Variants in FER1L6 observed in about 807,000 individuals in gnomAD.
The protein encoded by FER1L6 is fer-1 like family member 6, also known as fer-1-like protein 6.
Under a neutral mutation model 219.2 loss-of-function variants are expected in FER1L6, and 177 were observed. That is an observed-to-expected ratio of 0.81 (90% CI 0.71 to 0.91). The LOEUF is 0.91. FER1L6 is among the 40% of genes least tolerant of loss of function. The pLI is 0.00. For missense variants in FER1L6, 2,153 were observed against 2,259.9 expected (o/e 0.95, Z 0.96); for synonymous variants, 768 against 824.3 (o/e 0.93, Z 1.17).
At chr8:124,100,621 T>C (rs1282387328) in intron 37 of FER1L6, among the ~76,000 whole-genome samples, 1 of 152,154 alleles carries the variant, frequency 6.6e-6, no homozygotes, top group Non-Finnish European at 1.5e-5. Context: ...TATAGTCTGA[T>C]GGCATAGGTC....
Position 124,061,839 on chromosome 8 carries a change from C to A in FER1L6, c.3148-13C>A. The A allele has an allele frequency of 6.2e-7, 1 of 1,612,662 alleles. No homozygotes were observed. Among genetic ancestry groups the A allele is most frequent in the Non-Finnish European group, 8.5e-7 (1 of 1,179,830 alleles). ...TCACCAGGCCCCTTCTTCATCTCAT[C>A]CTCTCTCTGCAGGAACTGCCTGAGA... is the stretch of plus-strand genomic sequence containing the variant. On this transcript the variant is annotated splice_polypyrimidine_tract_variant and intron_variant, in intron 24 of 40. Coordinates refer to ENST00000522917, the MANE Select transcript of FER1L6 (RefSeq NM_001039112.2).
intron 1 of FER1L6, among the ~76,000 whole-genome samples, chr8:123,928,373 A>G (rs1234307900): frequency 6.6e-6 from 1 of 152,322 alleles, no homozygotes; most frequent in Non-Finnish European, 1.5e-5. Context: ...GACAGGCTCC[A>G]CCAACCAGAT....
At chr8:124,073,335 G>A (rs1015986743) in intron 31 of FER1L6, among the ~76,000 whole-genome samples, 1 of 150,838 alleles carries the variant, frequency 6.6e-6, no homozygotes, top group Non-Finnish European at 1.5e-5. Context: ...GGAACTTGAC[G>A]ACAGGAGGGA....
intron 39 of FER1L6, among the ~76,000 whole-genome samples, chr8:124,108,689 C>T (rs1181508541): frequency 6.6e-6 from 1 of 152,046 alleles, no homozygotes; most frequent in Non-Finnish European, 1.5e-5. Flanking sequence ...CCAGCCTGGG[C>T]AACACAATGA....
rs141997984 is a variant in FER1L6 at position 123,875,023 on chromosome 8, C to A, written c.-8+22838C>A. ...CATCCTGGCCAACATGGTGAAATCCCGTCTCCACTAAAAATACAAAAATTA... is the reference window on the plus strand; with the variant it reads ...CATCCTGGCCAACATGGTGAAATCCAGTCTCCACTAAAAATACAAAAATTA... On this transcript the variant is annotated intron_variant, in intron 1 of 40. Coordinates refer to ENST00000522917, the MANE Select transcript of FER1L6 (RefSeq NM_001039112.2). 7.9e-3 allele frequency among the ~76,000 whole-genome samples: 1,200 copies of A among 151,976 alleles called. 19 individuals are homozygous for A. Among genetic ancestry groups the A allele is most frequent in the African/African-American group, 0.028 (1,157 of 41,426 alleles).
chr8:124,070,585 T>A lies in FER1L6; in HGVS notation c.3953T>A (p.Ile1318Lys). 1 of 1,586,660 alleles carries A rather than the reference T, an allele frequency of 6.3e-7. No homozygotes were observed. Among genetic ancestry groups the A allele is most frequent in the Middle Eastern group, 1.7e-4 (1 of 5,912 alleles). The change falls in exon 30 of 41, where the codon ATA (isoleucine) becomes AAA (lysine). Residue 1318 changes from isoleucine to lysine, a missense_variant. Ile to Lys is a moderately radical substitution (Grantham distance 102). Transcript: ENST00000522917. ...CATGGTCTTGATGGAGACCGAGTCA[T>A]AGGAAAATTTAAGGCAGGTTCCATT... Reference protein sequence around the residue: ...DDHGLDGDRVIGKFKGSFCIY... With the variant: ...DDHGLDGDRVKGKFKGSFCIY...
At chr8:124,117,509 T>C (rs185337748) in intron 39 of FER1L6, among the ~76,000 whole-genome samples, 51 of 152,364 alleles carry the variant, frequency 3.3e-4, no homozygotes, top group East Asian at 1.3e-3. Context: ...AGACTACATA[T>C]ATACATGTTT....
At chr8:123,901,880 G>A (rs540113274) in intron 1 of FER1L6, among the ~76,000 whole-genome samples, 3 of 151,910 alleles carry the variant, frequency 2.0e-5, no homozygotes, top group Non-Finnish European at 4.4e-5. Flanking sequence ...CACCACGCCT[G>A]GCCAATTTTT....
In FER1L6 at chr8:124,003,323, A is replaced by G; in HGVS notation, c.1676A>G (p.Lys559Arg). 1.9e-6 allele frequency: 3 copies of G among 1,613,470 alleles called. No homozygotes were observed. Among genetic ancestry groups the G allele is most frequent in the Non-Finnish European group, 2.5e-6 (3 of 1,179,936 alleles). The change falls in exon 13 of 41, where the codon AAG becomes AGG. Residue 559 changes from lysine to arginine, a missense_variant. Coordinates refer to ENST00000522917, the MANE Select transcript of FER1L6 (RefSeq NM_001039112.2). ...ATGGCCTCCACCACTCACCCGGAGA[A>G]GCCACTGGTGACAGAAGGGAACAGG... Reference protein sequence around the residue: ...IPMASTTHPEKPLVTEGNRNY... With the variant: ...IPMASTTHPERPLVTEGNRNY...
intron 9 of FER1L6, 66 bp from the exon 10 acceptor site, chr8:123,977,351 C>CTT: frequency 6.8e-7 from 1 of 1,476,038 alleles, no homozygotes; most frequent in Non-Finnish European, 9.2e-7. Context: ...TTCCAGCTGG[C>CTT]TTGAAGAGTT....
In FER1L6 at chr8:123,980,808, G is replaced by A. The variant is rs750047724; in HGVS notation, c.1407G>A (p.Pro469=). 1.2e-5 allele frequency: 20 copies of A among 1,612,132 alleles called. No individual in the cohort carries two copies. The highest frequency in any genetic ancestry group is 4.5e-5 in the East Asian group (2 of 44,876). ...EVEVESFDVP[P]EIVPEKNEEF... ...AGGTGGAATCGTTCGATGTCCCCCC[G>A]GAGGTAGGTCTAGGCACTGCATTAT... Residue 469 remains proline (P), a synonymous_variant, in exon 11 of 41, where the codon CCG becomes CCA. Transcript: ENST00000522917.
intron 29 of FER1L6, among the ~76,000 whole-genome samples, chr8:124,070,171 C>T (rs1008035557): frequency 1.3e-5 from 2 of 152,144 alleles, no homozygotes; most frequent in Admixed American, 6.5e-5. Context: ...ATCCAACAAC[C>T]AATGGCATCA....
At chr8:123,854,341 T>C (rs1473025164) in intron 1 of FER1L6, among the ~76,000 whole-genome samples, 1 of 152,128 alleles carries the variant, frequency 6.6e-6, no homozygotes, top group African/African-American at 2.4e-5. Context: ...AATCCAAGGC[T>C]CCTCCCACAG....
At chr8:123,879,739 TCA>T (rs1259541475) in intron 1 of FER1L6, among the ~76,000 whole-genome samples, 1 of 151,614 alleles carries the variant, frequency 6.6e-6, no homozygotes, top group African/African-American at 2.4e-5. Context: ...ACACACACAC[TCA>T]CACACATTCA....
At position 123,980,803 on chromosome 8, in the gene FER1L6, C is replaced by T. The variant is rs1816289804; in HGVS notation, c.1402C>T (p.Pro468Ser). ...TEVEVESFDV[P>S]PEIVPEKNEE... ...GGTGGAGGTGGAATCGTTCGATGTC[C>T]CCCCGGAGGTAGGTCTAGGCACTGC... Residue 468 changes from proline (P) to serine (S), a missense_variant, in exon 11 of 41, where the codon CCC becomes TCC. Transcript: ENST00000522917. 2 of 1,612,734 alleles carry T rather than the reference C, an allele frequency of 1.2e-6. No individual in the cohort carries two copies. Among genetic ancestry groups the T allele is most frequent in the African/African-American group, 1.3e-5 (1 of 74,856 alleles).
Position 123,982,549 on chromosome 8 carries a change from G to T in FER1L6, c.1410+1738G>T, listed in dbSNP as rs111443157. On this transcript the variant is annotated intron_variant, in intron 11 of 40. Transcript: ENST00000522917. ...CCTCCTCTCTTCATCTTGGCTTCTT[G>T]TTGGTGGCCAGTATCTTGCTGGATT... Among the ~76,000 whole-genome samples the T allele has an allele frequency of 4.6e-5, 7 of 152,242 alleles. No homozygotes were observed. The East Asian group carries it at 1.4e-3, about 29-fold the overall frequency.
rs533026588 is a variant in FER1L6, at chr8:124,101,400, A to G, written c.5125+62A>G. 2,749 of 1,503,382 alleles carry G rather than the reference A, an allele frequency of 1.8e-3. 11 individuals carry two copies. The highest frequency in any genetic ancestry group is 2.4e-3 in the Non-Finnish European group (2,614 of 1,101,634). 93.1% of individuals were successfully genotyped at this position (1,503,382 alleles called of 1,614,324 possible). On this transcript the variant is annotated intron_variant, in intron 38 of 40. Coordinates refer to ENST00000522917, the MANE Select transcript of FER1L6 (RefSeq NM_001039112.2). ...AAGGGTTTTGTCTCAGCTTTTGGAG[A>G]GCTTGGTCTGATTTAGTTACAAGAC...
rs145118966 is a variant in FER1L6, at chr8:124,069,599, T to C, written c.3834+124T>C. ...GATATTTTGTCTTCATTGTCACCGA[T>C]GTAGAGAAGTAAACTTTGATGTGCA... On this transcript the variant is annotated intron_variant, in intron 29 of 40. Transcript: ENST00000522917. The C allele has an allele frequency of 7.0e-4, 457 of 650,372 alleles. 4 individuals carry two copies. Among genetic ancestry groups the C allele is most frequent in the East Asian group, 4.0e-3 (130 of 32,566 alleles). 40.3% of individuals were successfully genotyped at this position (650,372 alleles called of 1,614,324 possible). A position where few individuals can be genotyped will look rare whatever the true frequency, so the allele number is the denominator to read the frequency against.
Position 124,091,524 on chromosome 8 carries a change from A to G in FER1L6, c.4493A>G (p.Lys1498Arg). 6.2e-7 allele frequency: 1 copy of G among 1,614,126 alleles called. No individual in the cohort carries two copies. Reference sequence around the variant, plus strand: ...GATGGACCCTACTTTCACCCTGGGAAAATACAGATAGGAAACCAAGTCTTT... The same window carrying G: ...GATGGACCCTACTTTCACCCTGGGAGAATACAGATAGGAAACCAAGTCTTT... ...KLDGPYFHPG[K>R]IQIGNQVFSG... Residue 1498 changes from lysine (K) to arginine (R), a missense_variant, in exon 34 of 41, where the codon AAA becomes AGA. Physicochemically the swap from Lys to Arg is conservative, Grantham distance 26. Transcript: ENST00000522917.
Sources: allele counts gnomAD v4.1 joint callset (sites outside exome capture counted in the v4.1 genomes callset), GRCh38; gene constraint gnomAD v4.1.1; transcripts MANE v1.5; gene names NCBI Gene and HGNC (gene_info 2026-07-23, HGNC 2026-07-21).